DNAH11: variants seen among roughly 807,000 people sequenced by gnomAD.
DNAH11 encodes axonemal beta dynein heavy chain 11.
DNAH11 carries 442 observed loss-of-function variants against 526.0 expected under a neutral mutation model. That is an observed-to-expected ratio of 0.84 (90% CI 0.78 to 0.91). The LOEUF is 0.91. Ranked by LOEUF, DNAH11 falls within the 40% of genes least tolerant of loss-of-function variation. The pLI, the probability that DNAH11 is intolerant of heterozygous loss-of-function variation, is 0.00. For synonymous variants in DNAH11, 2,461 were observed against 1,935.9 expected (o/e 1.27, Z -7.12); for missense variants, 6,989 against 5,448.7 (o/e 1.28, Z -8.90).
At chr7:21,721,393 A>C (rs940294170) in intron 44 of DNAH11, among the ~76,000 whole-genome samples, 4 of 152,196 alleles carry the variant, frequency 2.6e-5, no homozygotes, top group Admixed American at 2.6e-4. Context: ...GGAGCAAAGC[A>C]TCTTTAGATT....
chr7:21,549,228 A>G (rs1298984494), intron 2 of DNAH11, among the ~76,000 whole-genome samples: 2 of 152,152 alleles, frequency 1.3e-5, no homozygotes, highest in Non-Finnish European at 2.9e-5. Flanking sequence ...TTGTCCCGGT[A>G]TAGAGCCAAC....
At chr7:21,604,798 G>C (rs1178233053) in intron 18 of DNAH11, among the ~76,000 whole-genome samples, 2 of 152,238 alleles carry the variant, frequency 1.3e-5, no homozygotes, top group Non-Finnish European at 1.5e-5. Context: ...TGGCTTCCCA[G>C]CCATGGCCTC....
At chr7:21,733,045 G>T (rs1184369391) in intron 45 of DNAH11, among the ~76,000 whole-genome samples, 5 of 152,146 alleles carry the variant, frequency 3.3e-5, no homozygotes, top group African/African-American at 1.2e-4. Flanking sequence ...GTGGCTATGT[G>T]GGGGAGGGGT....
intron 40 of DNAH11, among the ~76,000 whole-genome samples, chr7:21,708,826 A>G (rs928344109): frequency 6.6e-6 from 1 of 152,202 alleles, no homozygotes; most frequent in African/African-American, 2.4e-5. Context: ...GTGAAATGTC[A>G]TATCAGAGAA....
chr7:21,819,822 C>G (rs7800660), intron 65 of DNAH11, among the ~76,000 whole-genome samples: 23,604 of 152,118 alleles, frequency 0.16, 1,919 homozygotes, highest in African/African-American at 0.2. Context: ...AGCTTCAAGT[C>G]TTTATCACAA....
chr7:21,555,187 C>A (rs1023005676), intron 2 of DNAH11, among the ~76,000 whole-genome samples: 1 of 152,192 alleles, frequency 6.6e-6, no homozygotes, highest in African/African-American at 2.4e-5. Flanking sequence ...AGAATTAAAG[C>A]TTGGTACACC....
intron 30 of DNAH11, among the ~76,000 whole-genome samples, chr7:21,666,374 A>C (rs904089505): frequency 3.3e-5 from 5 of 151,922 alleles, no homozygotes; most frequent in African/African-American, 4.8e-5. Context: ...AAGTTTCTCC[A>C]CTCCTCTTTT....
chr7:21,786,024 C>T (rs565789508), intron 58 of DNAH11, among the ~76,000 whole-genome samples: 3 of 152,276 alleles, frequency 2.0e-5, no homozygotes, highest in African/African-American at 7.2e-5. Flanking sequence ...TGCCCTGATA[C>T]ATATAATTTA....
intron 30 of DNAH11, among the ~76,000 whole-genome samples, chr7:21,675,115 G>A (rs10276485): frequency 0.089 from 13,529 of 152,154 alleles, 870 homozygotes; most frequent in East Asian, 0.18. Flanking sequence ...TTACAGTATA[G>A]CCAGAGAAAT....
rs377685274 is a variant in DNAH11, at chr7:21,704,402, T to C, written c.6274-32T>C. ...TTTTAGGTGTTTGTTAGACCTTGTA[T>C]TGGCTTTTTTATAAAATGTTTTTTT... is the stretch of plus-strand genomic sequence containing the variant. On this transcript the variant is annotated intron_variant, in intron 37 of 81. Coordinates refer to ENST00000409508, the MANE Select transcript of DNAH11 (RefSeq NM_001277115.2). 81 of 1,579,652 alleles carry C rather than the reference T, an allele frequency of 5.1e-5. No individual in the cohort carries two copies. In the African/African-American group the frequency reaches 9.4e-4, roughly 18 times the overall value.
rs547241377 is a variant in DNAH11, at chr7:21,742,452, C to T, written c.8154+286C>T. On this transcript the variant is annotated intron_variant, in intron 49 of 81. Coordinates refer to ENST00000409508, the MANE Select transcript of DNAH11 (RefSeq NM_001277115.2). The stretch of plus-strand genomic sequence containing the variant: ...AGCAAGAGAGGGAGTGGAGGCAGGT[C>T]CCCAAACTTTTAAACAACCAGATCT... 3.3e-5 allele frequency among the ~76,000 whole-genome samples: 5 copies of T among 152,110 alleles called. 1 individual carries two copies. In the South Asian group the frequency reaches 1.0e-3, roughly 32 times the overall value.
At chr7:21,804,082 TTTTTGTTTTGTTTTGTTTTG>T (rs10549465) in intron 62 of DNAH11, among the ~76,000 whole-genome samples, 2,230 of 147,568 alleles carry the variant, frequency 0.015, 48 homozygotes, top group African/African-American at 0.053. Flanking sequence ...GTAGTAGTTT[TTTTTGTTTTGTTTTGTTTTG>T]TTTTGTTTTG....
Position 21,765,570 on chromosome 7 carries a change from A to G in DNAH11, c.9083A>G (p.Glu3028Gly). Reference protein sequence around the residue: ...ALVSVSRRFIEETKGIEPVHK... With the variant: ...ALVSVSRRFIGETKGIEPVHK... ...GTCTCCGTCAGCAGGAGGTTCATTG[A>G]GGAAACCAAGGGAATTGAGGTATGC... The change falls in exon 55 of 82, where the codon GAG (glutamate) becomes GGG (glycine). Residue 3028 changes from glutamate (E) to glycine (G), a missense_variant. By Grantham distance (98) the Glu-to-Gly change is moderately conservative. Coordinates refer to ENST00000409508, the MANE Select transcript of DNAH11 (RefSeq NM_001277115.2). 6.3e-7 allele frequency: 1 copy of G among 1,583,170 alleles called. No individual in the cohort carries two copies. Among genetic ancestry groups the G allele is most frequent in the Non-Finnish European group, 8.6e-7 (1 of 1,158,788 alleles).
rs554100313 is a variant in DNAH11 at position 21,746,258 on chromosome 7, A to G, written c.8510+1195A>G. Reference sequence around the variant, plus strand: ...CATTGACACCAGCAGGAAGACTTCAATAAGTGACAACAGCCAAAGACTTAA... The same window carrying G: ...CATTGACACCAGCAGGAAGACTTCAGTAAGTGACAACAGCCAAAGACTTAA... On this transcript the variant is annotated intron_variant, in intron 51 of 81. Coordinates refer to ENST00000409508, the MANE Select transcript of DNAH11 (RefSeq NM_001277115.2). Among the ~76,000 whole-genome samples, 32 of 152,328 alleles carry G rather than the reference A, an allele frequency of 2.1e-4. No individual in the cohort carries two copies. In the South Asian group the frequency reaches 5.2e-3, roughly 25 times the overall value.
At chr7:21,578,194 A>G (rs1784173585) in intron 8 of DNAH11, among the ~76,000 whole-genome samples, 1 of 152,166 alleles carries the variant, frequency 6.6e-6, no homozygotes, top group South Asian at 2.1e-4. Context: ...ACCCTCCATG[A>G]TCCCCTGTAA....
chr7:21,809,730 A>AT (rs1217349438), intron 63 of DNAH11, among the ~76,000 whole-genome samples: 5 of 151,172 alleles, frequency 3.3e-5, no homozygotes, highest in South Asian at 2.1e-4. Flanking sequence ...CACCTGGCTA[A>AT]TTTTTTTGTA....
intron 69 of DNAH11, among the ~76,000 whole-genome samples, chr7:21,864,112 T>C (rs1783175960): frequency 1.3e-5 from 2 of 152,378 alleles, no homozygotes; most frequent in South Asian, 4.1e-4. Context: ...ATGTACCTTG[T>C]AGTTTATTGA....
In DNAH11 at chr7:21,789,808, T is replaced by TCTTTCTTTC; in HGVS notation, c.10026+466_10026+467insCTTTCTTTC. Among the ~76,000 whole-genome samples, 193 of 34,110 alleles carry TCTTTCTTTC rather than the reference T, an allele frequency of 5.7e-3. 4 individuals are homozygous for TCTTTCTTTC. Among genetic ancestry groups the TCTTTCTTTC allele is most frequent in the East Asian group, 0.012 (19 of 1,612 alleles). The allele number at this position is 34,110 out of a possible 152,430, so 22.4% of individuals were successfully genotyped here. The stretch of plus-strand genomic sequence containing the variant: ...TTCTTTCTTTCTTTCTTTCTTTCTT[T>TCTTTCTTTC]TTTCTTTCTTTCTTTCTTTCTTTCT... On this transcript the variant is annotated intron_variant, in intron 61 of 81. Coordinates refer to ENST00000409508, the MANE Select transcript of DNAH11 (RefSeq NM_001277115.2).
At position 21,658,875 on chromosome 7, in the gene DNAH11, C is replaced by G. The variant is rs778238497; in HGVS notation, c.5172C>G (p.Ala1724=). Reference sequence around the variant, plus strand: ...ATTCTATAACAGAAGCCATAGTGGCCTACGAGGAAAAACCTAGGGAACTGT... The same window carrying G: ...ATTCTATAACAGAAGCCATAGTGGCGTACGAGGAAAAACCTAGGGAACTGT... ...VRHSITEAIV[A]YEEKPRELWI... is the part of the protein sequence containing the mutation. The change falls in exon 30 of 82, where the codon GCC becomes GCG. Residue 1724 remains alanine (A), a synonymous_variant. Coordinates refer to ENST00000409508, the MANE Select transcript of DNAH11 (RefSeq NM_001277115.2). 6.8e-6 allele frequency: 11 copies of G among 1,608,326 alleles called. No individual in the cohort carries two copies. The Admixed American group carries it at 1.0e-4, about 15-fold the overall frequency.
Sources: gnomAD v4.1 joint callset for allele counts (sites outside exome capture counted in the v4.1 genomes callset) on GRCh38, gnomAD v4.1.1 for gene constraint, MANE v1.5 for transcripts, NCBI Gene and HGNC (gene_info 2026-07-23, HGNC 2026-07-21) for gene names.